The following XNDC1N variants were observed in gnomAD, a reference collection of about 807,000 sequenced individuals.
XNDC1N encodes XRCC1 N-terminal domain containing 1, N-terminal like.
At chr11:71,884,552 G>T in the XNDC1N span, 5 of 1,602,980 alleles carry the variant, frequency 3.1e-6, no homozygotes, top group Non-Finnish European at 4.3e-6. Context: ...ATGGACAAAA[G>T]AAGTGGTGAA....
chr11:71,911,843 C>CA, the XNDC1N span, among the ~76,000 whole-genome samples: 1 of 152,172 alleles, frequency 6.6e-6, no homozygotes, highest in African/African-American at 2.4e-5. Context: ...CGCGCTGACT[C>CA]AGAGGCTCCA....
At chr11:71,884,533 T>G in the XNDC1N span, 9 of 1,607,758 alleles carry the variant, frequency 5.6e-6, no homozygotes, top group East Asian at 2.2e-5. Flanking sequence ...CTGAAGATCA[T>G]TCAAATTGAT....
At chr11:71,895,180 G>T in the XNDC1N span, among the ~76,000 whole-genome samples, 1 of 151,954 alleles carries the variant, frequency 6.6e-6, no homozygotes, top group Non-Finnish European at 1.5e-5. Flanking sequence ...GAGGCATCAA[G>T]CTCCAAAGAG....
the XNDC1N span, among the ~76,000 whole-genome samples, chr11:71,900,369 A>ATG: frequency 2.0e-5 from 3 of 152,114 alleles, no homozygotes; most frequent in South Asian, 2.1e-4. Context: ...GTGGAGGGGC[A>ATG]GGCCACCCCT....
the XNDC1N span, among the ~76,000 whole-genome samples, chr11:71,897,188 A>G: frequency 6.6e-6 from 1 of 152,230 alleles, no homozygotes; most frequent in Non-Finnish European, 1.5e-5. Context: ...CTGGGATATG[A>G]CACCAAAAGC....
chr11:71,897,559 A>T, the XNDC1N span, among the ~76,000 whole-genome samples: 1 of 152,236 alleles, frequency 6.6e-6, no homozygotes, highest in African/African-American at 2.4e-5. Flanking sequence ...GTGATAAACA[A>T]ACAGGCATTG....
the XNDC1N span, among the ~76,000 whole-genome samples, chr11:71,927,209 T>C: frequency 6.6e-6 from 1 of 152,060 alleles, no homozygotes; most frequent in Non-Finnish European, 1.5e-5. Context: ...ATCACGCCAC[T>C]GCACTCCAGC....
chr11:71,878,720 C>T, the XNDC1N span, among the ~76,000 whole-genome samples: 1 of 151,850 alleles, frequency 6.6e-6, no homozygotes, highest in Non-Finnish European at 1.5e-5. Flanking sequence ...TGAGGCCAGG[C>T]ACAGTGGCTC....
chr11:71,867,432 G>A, the XNDC1N span, among the ~76,000 whole-genome samples: 3 of 152,286 alleles, frequency 2.0e-5, no homozygotes, highest in African/African-American at 7.2e-5. Context: ...ATGCCCCTGG[G>A]AGTAGGCTCA....
At chr11:71,878,233 C>T in the XNDC1N span, among the ~76,000 whole-genome samples, 2 of 152,334 alleles carry the variant, frequency 1.3e-5, no homozygotes, top group East Asian at 3.9e-4. Flanking sequence ...CCTTTGCACA[C>T]ACCCTGTTGA....
the XNDC1N span, among the ~76,000 whole-genome samples, chr11:71,897,492 TC>T: frequency 6.6e-6 from 1 of 152,262 alleles, no homozygotes; most frequent in Non-Finnish European, 1.5e-5. Context: ...TCAAAATCAC[TC>T]ATCATAGGGA....
At chr11:71,928,547 C>T in the XNDC1N span, 1 of 702,614 alleles carries the variant, frequency 1.4e-6, no homozygotes, top group Non-Finnish European at 2.6e-6. Flanking sequence ...ATGAGTCCTA[C>T]CGAGGCAAGA....
the XNDC1N span, among the ~76,000 whole-genome samples, chr11:71,896,352 G>A: frequency 1.3e-5 from 2 of 152,184 alleles, no homozygotes; most frequent in Non-Finnish European, 2.9e-5. Flanking sequence ...GAAGAAAAGG[G>A]GTGAGATAGG....
At chr11:71,891,698 T>C in the XNDC1N span, among the ~76,000 whole-genome samples, 1 of 151,954 alleles carries the variant, frequency 6.6e-6, no homozygotes, top group East Asian at 1.9e-4. Flanking sequence ...TATCATCCTC[T>C]ATTTTCCTGG....
chr11:71,920,114 C>CGG, the XNDC1N span, among the ~76,000 whole-genome samples: 1 of 148,764 alleles, frequency 6.7e-6, no homozygotes, highest in African/African-American at 2.5e-5. Context: ...GCCGCTACCA[C>CGG]GCCCAGCTAA....
chr11:71,927,978 G>T, the XNDC1N span: 1 of 155,994 alleles, frequency 6.4e-6, no homozygotes, highest in Admixed American at 6.4e-5. Flanking sequence ...AGATCCAGGC[G>T]GACGCCCAGA....
the XNDC1N span, among the ~76,000 whole-genome samples, chr11:71,896,756 G>T: frequency 9.9e-5 from 15 of 152,198 alleles, no homozygotes; most frequent in Non-Finnish European, 7.3e-5. Flanking sequence ...AGAGACGGGG[G>T]TTTCTCCCTG....
chr11:71,899,847 TGCAGTTGAGAGAGAGGAAGGC>T, the XNDC1N span, among the ~76,000 whole-genome samples: 1 of 152,210 alleles, frequency 6.6e-6, no homozygotes, highest in South Asian at 2.1e-4. Flanking sequence ...GAAAGCCTCT[TGCAGTTGAGAGAGAGGAAGGC>T]CCCTGTCTCC....
At chr11:71,915,453 A>G in the XNDC1N span, among the ~76,000 whole-genome samples, 4 of 152,046 alleles carry the variant, frequency 2.6e-5, no homozygotes, top group Non-Finnish European at 5.9e-5. Flanking sequence ...GTCCCCAAAA[A>G]AAAAAAGAAA....
Sources: allele counts gnomAD v4.1 joint callset (sites outside exome capture counted in the v4.1 genomes callset), GRCh38; gene constraint gnomAD v4.1.1; transcripts MANE v1.5; gene names NCBI Gene and HGNC (gene_info 2026-07-23, HGNC 2026-07-21).